Variants in CDK19 observed in about 807,000 individuals in gnomAD.
CDK19 encodes the protein cyclin dependent kinase 19.
A neutral mutation model predicts 68.3 loss-of-function variants in CDK19; 20 were observed. The observed-to-expected ratio is 0.29, with a 90% CI of 0.21 to 0.43. The LOEUF (loss-of-function observed/expected upper bound fraction) is 0.43, where lower values mean the gene tolerates loss of function less well. CDK19 is among the 20% of genes least tolerant of loss of function. The pLI, the probability that CDK19 is intolerant of heterozygous loss-of-function variation, is 1.00. For missense variants in CDK19, 339 were observed against 623.5 expected, an observed-to-expected ratio of 0.54 and a Z score of 4.86; for synonymous variants, 221 against 222.8, an observed-to-expected ratio of 0.99 and a Z score of 0.07.
At chr6:110,702,708 C>T (rs550321106) in intron 2 of CDK19, among the ~76,000 whole-genome samples, 2 of 152,148 alleles carry the variant, frequency 1.3e-5, no homozygotes, top group East Asian at 3.9e-4. Flanking sequence ...GGAAAGATCA[C>T]TAAGACATAA....
intron 1 of CDK19, among the ~76,000 whole-genome samples, chr6:110,766,440 T>G (rs191719635): frequency 6.6e-5 from 10 of 152,106 alleles, no homozygotes; most frequent in South Asian, 2.1e-4. Flanking sequence ...TATCTGGGTG[T>G]GGTGGCAGGC....
chr6:110,652,558 G>T (rs1372658732), intron 4 of CDK19, among the ~76,000 whole-genome samples: 3 of 152,150 alleles, frequency 2.0e-5, no homozygotes, highest in Non-Finnish European at 4.4e-5. Context: ...AATAAAGATA[G>T]TAAGATAAAA....
At chr6:110,684,205 T>C (rs1254582714) in intron 2 of CDK19, among the ~76,000 whole-genome samples, 1 of 152,062 alleles carries the variant, frequency 6.6e-6, no homozygotes, top group East Asian at 1.9e-4. Context: ...AAGTAAACTT[T>C]TGCTTGCAAC....
At chr6:110,676,007 CA>C (rs1442795384) in intron 2 of CDK19, among the ~76,000 whole-genome samples, 1 of 152,020 alleles carries the variant, frequency 6.6e-6, no homozygotes, top group Non-Finnish European at 1.5e-5. Context: ...TGGATCTGGG[CA>C]AAGTAAATTG....
At chr6:110,769,094 G>A (rs896246118) in intron 1 of CDK19, among the ~76,000 whole-genome samples, 2 of 136,674 alleles carry the variant, frequency 1.5e-5, no homozygotes, top group African/African-American at 5.6e-5. Context: ...GGCAGAGGTT[G>A]CAGTAAGCCA....
chr6:110,678,493 C>A (rs138149127), intron 2 of CDK19, among the ~76,000 whole-genome samples: 2 of 152,270 alleles, frequency 1.3e-5, no homozygotes, highest in East Asian at 3.9e-4. Context: ...CAGGCAAAAA[C>A]CTCATCTACT....
At chr6:110,779,304 T>G (rs1018090939) in intron 1 of CDK19, among the ~76,000 whole-genome samples, 1 of 152,138 alleles carries the variant, frequency 6.6e-6, no homozygotes, top group South Asian at 2.1e-4. Flanking sequence ...TCTCCATGTA[T>G]CCTTCAAGTC....
intron 4 of CDK19, among the ~76,000 whole-genome samples, chr6:110,660,058 C>T (rs561391058): frequency 1.3e-5 from 2 of 152,142 alleles, no homozygotes; most frequent in Non-Finnish European, 2.9e-5. Context: ...ACTGGAACTC[C>T]TGGGCTCAAG....
chr6:110,718,885 T>C (rs12197575), intron 2 of CDK19, among the ~76,000 whole-genome samples: 5,134 of 152,186 alleles, frequency 0.034, 122 homozygotes, highest in Middle Eastern at 0.078. Context: ...GGGTAGAGTG[T>C]GGAGCAGTTA....
intron 6 of CDK19, among the ~76,000 whole-genome samples, chr6:110,627,697 T>C (rs1316342804): frequency 1.3e-5 from 2 of 152,170 alleles, no homozygotes; most frequent in African/African-American, 4.8e-5. Flanking sequence ...AAAATTGTTT[T>C]GTAGAGACAA....
chr6:110,793,212 T>C (rs146103731), intron 1 of CDK19, among the ~76,000 whole-genome samples: 4 of 152,152 alleles, frequency 2.6e-5, no homozygotes, highest in East Asian at 3.9e-4. Flanking sequence ...CCCCAAAAAA[T>C]ACTGTTTATT....
At chr6:110,729,715 C>G (rs866955636) in intron 2 of CDK19, among the ~76,000 whole-genome samples, 4 of 150,806 alleles carry the variant, frequency 2.7e-5, no homozygotes, top group Non-Finnish European at 5.9e-5. Context: ...GGATTACAGG[C>G]GTGAGCCACC....
chr6:110,772,752 G>A (rs1780108271), intron 1 of CDK19, among the ~76,000 whole-genome samples: 1 of 151,548 alleles, frequency 6.6e-6, no homozygotes, highest in Non-Finnish European at 1.5e-5. Context: ...AAGTAGTCAG[G>A]TGTGGTGGCG....
chr6:110,617,268 G>C (rs1439727824), intron 12 of CDK19, among the ~76,000 whole-genome samples: 4 of 152,124 alleles, frequency 2.6e-5, no homozygotes, highest in Admixed American at 1.3e-4. Context: ...ATAAAGAAAT[G>C]ATCTGGCATA....
chr6:110,721,675 G>A (rs1307099287), intron 2 of CDK19, among the ~76,000 whole-genome samples: 2 of 152,118 alleles, frequency 1.3e-5, no homozygotes, highest in Non-Finnish European at 2.9e-5. Context: ...ATTCTTAAGA[G>A]TAAGATCAGG....
At chr6:110,707,200 G>A (rs1297097514) in intron 2 of CDK19, among the ~76,000 whole-genome samples, 2 of 152,000 alleles carry the variant, frequency 1.3e-5, no homozygotes, top group Admixed American at 6.6e-5. Context: ...GCCAGGCGTA[G>A]TCACACATGC....
chr6:110,789,557 G>A (rs973156049), intron 1 of CDK19, among the ~76,000 whole-genome samples: 5 of 151,966 alleles, frequency 3.3e-5, no homozygotes, highest in Admixed American at 1.3e-4. Flanking sequence ...GATTACAGGC[G>A]TGAGCCACCA....
Position 110,627,081 on chromosome 6 carries a change from A to G in CDK19, c.711T>C (p.Arg237=). The G allele has an allele frequency of 6.2e-7, 1 of 1,612,658 alleles. No individual in the cohort carries two copies. The highest frequency in any genetic ancestry group is 8.5e-7 in the Non-Finnish European group (1 of 1,178,930). The change falls in exon 7 of 13, where the codon CGT becomes CGC. Residue 237 remains arginine (R), a synonymous_variant. Coordinates refer to ENST00000368911, the MANE Select transcript of CDK19 (RefSeq NM_015076.5). ...LLTSEPIFHC[R]QEDIKTSNPF... ...GATTGCTTGTTTTTATATCTTCCTG[A>G]CGACAGTGAAAAATAGGTTCCGAAG...
Position 110,622,883 on chromosome 6 carries a change from G to C in CDK19, c.963C>G (p.Thr321=), listed in dbSNP as rs765784625. ...GAGCTTGCTCCGAGGTAATTCTCTTGGTTGGATCCATGGTCAGGAGTTTCT... is the reference window on the plus strand; with the variant it reads ...GAGCTTGCTCCGAGGTAATTCTCTTCGTTGGATCCATGGTCAGGAGTTTCT... ...LLQKLLTMDP[T]KRITSEQALQ... The change falls in exon 10 of 13, where the codon ACC becomes ACG. Residue 321 remains threonine (T), a synonymous_variant. Coordinates refer to ENST00000368911, the MANE Select transcript of CDK19 (RefSeq NM_015076.5). 12 of 1,613,204 alleles carry C rather than the reference G, an allele frequency of 7.4e-6. No homozygotes were observed. The East Asian group carries it at 2.7e-4, about 36-fold the overall frequency.
Sources: gnomAD v4.1 joint callset for allele counts (sites outside exome capture counted in the v4.1 genomes callset) on GRCh38, gnomAD v4.1.1 for gene constraint, MANE v1.5 for transcripts, NCBI Gene and HGNC (gene_info 2026-07-23, HGNC 2026-07-21) for gene names.